SH3D19: variants seen among roughly 807,000 people sequenced by gnomAD.
The protein encoded by SH3D19 is SH3 domain containing 19.
A neutral mutation model predicts 112.1 loss-of-function variants in SH3D19; 58 were observed. The ratio of observed to expected loss-of-function variants is 0.52; its 90% CI spans 0.42 to 0.64. SH3D19 has a LOEUF of 0.64. Among genes scored for constraint, SH3D19 ranks in the 30% least tolerant of loss-of-function variants. The pLI, the probability that SH3D19 is intolerant of heterozygous loss-of-function variation, is 0.00. For synonymous variants in SH3D19, 391 were observed against 448.5 expected, an observed-to-expected ratio of 0.87 and a Z score of 1.62; for missense variants, 1,090 against 1,263.4, an observed-to-expected ratio of 0.86 and a Z score of 2.08.
rs553880917 is a variant in SH3D19, at chr4:151,315,388, A to C, written c.112+9853T>G. 5.9e-5 allele frequency among the ~76,000 whole-genome samples: 9 copies of C among 152,336 alleles called. No individual in the cohort carries two copies. In the South Asian group the frequency reaches 1.9e-3, roughly 32 times the overall value. On this transcript the variant is annotated intron_variant, in intron 1 of 19. Transcript: ENST00000604030. ...ACTCTAACTTCCCCTCCATTTCCAA[A>C]ATTGGAAAGGAATTTATATTAGTCA...
chr4:151,260,133 T>C (rs1483359577), intron 1 of SH3D19, among the ~76,000 whole-genome samples: 1 of 152,266 alleles, frequency 6.6e-6, no homozygotes, highest in Non-Finnish European at 1.5e-5. Flanking sequence ...TTCTGTTATA[T>C]GCCTAGACTG....
At chr4:151,276,367 G>A (rs1346894511) in intron 1 of SH3D19, among the ~76,000 whole-genome samples, 1 of 152,138 alleles carries the variant, frequency 6.6e-6, no homozygotes, top group Non-Finnish European at 1.5e-5. Context: ...TCCCTTAGCA[G>A]CTAGGAGTGT....
intron 1 of SH3D19, chr4:151,291,139 T>C (rs1320940300): frequency 1.2e-6 from 2 of 1,612,878 alleles, no homozygotes; most frequent in South Asian, 1.1e-5. Context: ...AGGGCCTCTG[T>C]CGTGTCACAT....
chr4:151,260,277 C>T (rs1183465422), intron 1 of SH3D19, among the ~76,000 whole-genome samples: 2 of 152,146 alleles, frequency 1.3e-5, no homozygotes, highest in Non-Finnish European at 1.5e-5. Context: ...TGATAACACT[C>T]GCACTTGCAT....
At chr4:151,301,681 CAG>C (rs1378962630) in intron 1 of SH3D19, among the ~76,000 whole-genome samples, 2 of 152,146 alleles carry the variant, frequency 1.3e-5, no homozygotes, top group African/African-American at 4.8e-5. Context: ...GTACAGCCTG[CAG>C]AATCATGAAC....
intron 2 of SH3D19, among the ~76,000 whole-genome samples, chr4:151,217,897 T>G (rs540868620): frequency 6.8e-4 from 104 of 152,064 alleles, no homozygotes; most frequent in African/African-American, 2.3e-3. Context: ...AAAGTCAAAT[T>G]GACAGAAACA....
intron 19 of SH3D19, 152 bp downstream of exon 19, chr4:151,127,466 C>T (rs1749665957): frequency 1.9e-6 from 1 of 515,752 alleles, no homozygotes; most frequent in Non-Finnish European, 3.4e-6. Flanking sequence ...GCACTGTTCA[C>T]TTTCTCTAAT....
chr4:151,213,862 T>C (rs1333750755), intron 2 of SH3D19, among the ~76,000 whole-genome samples: 1 of 147,446 alleles, frequency 6.8e-6, no homozygotes, highest in Non-Finnish European at 1.5e-5. Context: ...AACTTTTAAA[T>C]TTTTTTTTTT....
intron 10 of SH3D19, 86 bp from the exon 11 acceptor site, chr4:151,148,272 CACACACACACACACACAG>C (rs1417196700): frequency 5.2e-6 from 4 of 772,280 alleles, no homozygotes; most frequent in Admixed American, 6.7e-5. Flanking sequence ...CACACACACA[CACACACACACACACACAG>C]AGACACAGCT....
At chr4:151,167,569 A>G (rs1268962250) in intron 7 of SH3D19, among the ~76,000 whole-genome samples, 1 of 152,186 alleles carries the variant, frequency 6.6e-6, no homozygotes, top group Non-Finnish European at 1.5e-5. Context: ...TAGCACTTTT[A>G]TATCAATTTC....
At chr4:151,300,956 T>C (rs1476673568) in intron 1 of SH3D19, among the ~76,000 whole-genome samples, 4 of 152,226 alleles carry the variant, frequency 2.6e-5, no homozygotes, top group Non-Finnish European at 5.9e-5. Context: ...AGAAGTTAAG[T>C]ACTTCACCCA....
intron 8 of SH3D19, among the ~76,000 whole-genome samples, chr4:151,161,878 C>T (rs1340215216): frequency 1.3e-5 from 2 of 151,362 alleles, no homozygotes; most frequent in Non-Finnish European, 2.9e-5. Flanking sequence ...GATTTTCCTG[C>T]CTCAGCCTCC....
chr4:151,277,216 G>T, intron 1 of SH3D19: 2 of 1,501,614 alleles, frequency 1.3e-6, no homozygotes, highest in Middle Eastern at 1.8e-4. Flanking sequence ...CTTCTGCTGG[G>T]GATCTCAGGT....
intron 2 of SH3D19, among the ~76,000 whole-genome samples, chr4:151,189,408 C>G (rs551035701): frequency 4.6e-5 from 7 of 152,230 alleles, no homozygotes; most frequent in Admixed American, 4.6e-4. Flanking sequence ...CCACCATGCC[C>G]GGCCAAGTTT....
At position 151,167,745 on chromosome 4, in the gene SH3D19, G is replaced by A. The variant is rs561303060; in HGVS notation, c.1535-2049C>T. On this transcript the variant is annotated intron_variant, in intron 7 of 19. Transcript: ENST00000604030. Reference sequence around the variant, plus strand: ...GCCCGGCCGCCCCACCGTCTGGGAAGTGAGGAGCGCCTCTTACTGGCCACC... The same window carrying A: ...GCCCGGCCGCCCCACCGTCTGGGAAATGAGGAGCGCCTCTTACTGGCCACC... 3.9e-4 allele frequency among the ~76,000 whole-genome samples: 60 copies of A among 152,056 alleles called. No individual in the cohort carries two copies. The South Asian group carries it at 5.0e-3, about 13-fold the overall frequency.
intron 1 of SH3D19, among the ~76,000 whole-genome samples, chr4:151,271,176 T>C (rs558224598): frequency 3.3e-5 from 5 of 152,198 alleles, no homozygotes; most frequent in Non-Finnish European, 7.3e-5. Flanking sequence ...TCCTTTCACT[T>C]TGACCCCCCA....
chr4:151,237,198 G>A (rs916828456), intron 1 of SH3D19, among the ~76,000 whole-genome samples: 1 of 152,188 alleles, frequency 6.6e-6, no homozygotes, highest in African/African-American at 2.4e-5. Context: ...GCCTTTAAGA[G>A]CTGTAACACT....
chr4:151,272,923 C>G (rs532515041), intron 1 of SH3D19, among the ~76,000 whole-genome samples: 15 of 152,028 alleles, frequency 9.9e-5, no homozygotes, highest in Non-Finnish European at 1.8e-4. Context: ...GATAGTCATT[C>G]CTTGAATCAA....
intron 2 of SH3D19, among the ~76,000 whole-genome samples, chr4:151,188,767 A>G (rs1307926723): frequency 1.3e-5 from 2 of 152,246 alleles, no homozygotes; most frequent in African/African-American, 4.8e-5. Flanking sequence ...AAGGTGTTAC[A>G]GGTTGAAGCA....
Sources: allele counts gnomAD v4.1 joint callset (sites outside exome capture counted in the v4.1 genomes callset), GRCh38; gene constraint gnomAD v4.1.1; transcripts MANE v1.5; gene names NCBI Gene and HGNC (gene_info 2026-07-23, HGNC 2026-07-21).